BMAL2: variants seen among roughly 807,000 people sequenced by gnomAD.
BMAL2 encodes the protein basic helix-loop-helix ARNT like 2.
the BMAL2 span, chr12:27,368,411 C>T: frequency 6.2e-7 from 1 of 1,614,002 alleles, no homozygotes; most frequent in Non-Finnish European, 8.5e-7. Context: ...AGACCCATCC[C>T]AGTAAGTGAA....
At chr12:27,420,560 A>T in the BMAL2 span, 2 of 1,531,300 alleles carry the variant, frequency 1.3e-6, no homozygotes, top group East Asian at 4.6e-5. Flanking sequence ...CAAAAATGAG[A>T]AACATTTTAA....
the BMAL2 span, among the ~76,000 whole-genome samples, chr12:27,350,903 C>A: frequency 6.6e-6 from 1 of 151,764 alleles, no homozygotes; most frequent in Non-Finnish European, 1.5e-5. Context: ...TGGTCTCGAA[C>A]TCCTGACCTA....
chr12:27,346,210 T>G, the BMAL2 span, among the ~76,000 whole-genome samples: 1 of 146,358 alleles, frequency 6.8e-6, no homozygotes, highest in Non-Finnish European at 1.5e-5. Context: ...TTCTTACTTA[T>G]TCCCACTTTA....
At chr12:27,407,657 G>A in the BMAL2 span, among the ~76,000 whole-genome samples, 6 of 150,148 alleles carry the variant, frequency 4.0e-5, no homozygotes, top group South Asian at 2.1e-4. Flanking sequence ...ATCTAAAATT[G>A]ACACCCTAAA....
chr12:27,378,537 C>T, the BMAL2 span, among the ~76,000 whole-genome samples: 16 of 152,160 alleles, frequency 1.1e-4, no homozygotes, highest in Non-Finnish European at 1.8e-4. Flanking sequence ...AGTCTTCAGG[C>T]GTTGCTGCTG....
chr12:27,369,802 G>A, the BMAL2 span, among the ~76,000 whole-genome samples: 1 of 152,196 alleles, frequency 6.6e-6, no homozygotes, highest in Non-Finnish European at 1.5e-5. Context: ...GGAAAGTGGA[G>A]TCAGTGCTAG....
At chr12:27,408,384 G>A in the BMAL2 span, among the ~76,000 whole-genome samples, 25 of 152,268 alleles carry the variant, frequency 1.6e-4, no homozygotes, top group African/African-American at 4.6e-4. Context: ...ACATCAAAAA[G>A]CTTATCTACC....
chr12:27,387,449 C>A, the BMAL2 span: 1 of 653,778 alleles, frequency 1.5e-6, no homozygotes, highest in Non-Finnish European at 2.7e-6. Context: ...GTTAGAACTC[C>A]AAGAGAGATG....
chr12:27,368,543 C>T, the BMAL2 span: 4 of 1,119,474 alleles, frequency 3.6e-6, no homozygotes, highest in Admixed American at 2.5e-5. Flanking sequence ...ACTTATCCAC[C>T]CATCTGCTAC....
chr12:27,357,937 T>C, the BMAL2 span, among the ~76,000 whole-genome samples: 1 of 152,062 alleles, frequency 6.6e-6, no homozygotes, highest in Non-Finnish European at 1.5e-5. Flanking sequence ...AAAACCCTTC[T>C]AGACATTGGC....
At chr12:27,333,696 C>T in the BMAL2 span, among the ~76,000 whole-genome samples, 1 of 152,222 alleles carries the variant, frequency 6.6e-6, no homozygotes, top group African/African-American at 2.4e-5. Context: ...TCGCAGCCCG[C>T]TCCGCGACAG....
At chr12:27,359,789 A>G in the BMAL2 span, among the ~76,000 whole-genome samples, 2 of 152,212 alleles carry the variant, frequency 1.3e-5, no homozygotes, top group Admixed American at 6.5e-5. Flanking sequence ...TGGAACATAT[A>G]GCCTTATGGA....
the BMAL2 span, chr12:27,400,833 G>A: frequency 6.9e-7 from 1 of 1,450,124 alleles, no homozygotes; most frequent in Non-Finnish European, 9.3e-7. Context: ...GCTATTAAAG[G>A]CGTGTCTTAG....
At chr12:27,401,595 T>C in the BMAL2 span, 7 of 1,611,436 alleles carry the variant, frequency 4.3e-6, no homozygotes, top group Non-Finnish European at 5.9e-6. Context: ...TTTTGTAACT[T>C]TAAAAAGCCA....
chr12:27,372,907 T>C, the BMAL2 span, among the ~76,000 whole-genome samples: 11 of 152,168 alleles, frequency 7.2e-5, no homozygotes, highest in East Asian at 9.6e-4. Flanking sequence ...TCTCCTGACC[T>C]CGTGATCTGC....
At chr12:27,414,051 CA>C in the BMAL2 span, among the ~76,000 whole-genome samples, 6 of 140,650 alleles carry the variant, frequency 4.3e-5, no homozygotes, top group African/African-American at 7.9e-5. Context: ...GAAAAACATG[CA>C]AAAAAAAAAC....
At chr12:27,343,713 A>G in the BMAL2 span, among the ~76,000 whole-genome samples, 3 of 152,332 alleles carry the variant, frequency 2.0e-5, no homozygotes, top group East Asian at 3.9e-4. Flanking sequence ...CTGTGTTGAT[A>G]TAGAACTGAA....
chr12:27,423,097 A>C, the BMAL2 span: 1 of 152,202 alleles, frequency 6.6e-6, no homozygotes, highest in South Asian at 2.1e-4. Flanking sequence ...TAATCCATGC[A>C]TTGTATGATA....
the BMAL2 span, among the ~76,000 whole-genome samples, chr12:27,391,404 G>C: frequency 2.6e-5 from 4 of 152,180 alleles, no homozygotes; most frequent in African/African-American, 9.7e-5. Flanking sequence ...AGTATTCCAT[G>C]ATTCATACGT....
Sources: gnomAD v4.1 joint callset for allele counts (sites outside exome capture counted in the v4.1 genomes callset) on GRCh38, gnomAD v4.1.1 for gene constraint, MANE v1.5 for transcripts, NCBI Gene and HGNC (gene_info 2026-07-23, HGNC 2026-07-21) for gene names.